TNS3: variants seen among roughly 807,000 people sequenced by gnomAD.
The protein encoded by TNS3 is tensin 3.
Under a neutral mutation model 140.9 loss-of-function variants are expected in TNS3, and 45 were observed. The observed-to-expected ratio is 0.32, with a 90% CI of 0.25 to 0.41. The LOEUF is 0.41. Among genes scored for constraint, TNS3 ranks in the 10% least tolerant of loss-of-function variants. TNS3 has a pLI of 1.00. For synonymous variants in TNS3, 815 were observed against 788.4 expected (o/e 1.03, Z -0.56); for missense variants, 1,716 against 1,906.7 (o/e 0.90, Z 1.86).
chr7:47,498,311 C>G (rs1798087608), intron 3 of TNS3, among the ~76,000 whole-genome samples: 1 of 152,196 alleles, frequency 6.6e-6, no homozygotes, highest in Non-Finnish European at 1.5e-5. Context: ...TCACAGATGC[C>G]GAGAGTCAAG....
chr7:47,444,028 C>T (rs1225565586), intron 4 of TNS3, among the ~76,000 whole-genome samples: 2 of 152,234 alleles, frequency 1.3e-5, no homozygotes, highest in South Asian at 2.1e-4. Context: ...ATCAAAAACC[C>T]GTTTAGGTTA....
intron 13 of TNS3, among the ~76,000 whole-genome samples, chr7:47,403,933 A>G (rs1173276866): frequency 6.6e-6 from 1 of 152,226 alleles, no homozygotes; most frequent in Non-Finnish European, 1.5e-5. Flanking sequence ...TCCCTTTAAG[A>G]TATAATAGTA....
intron 10 of TNS3, among the ~76,000 whole-genome samples, chr7:47,420,105 G>A (rs894793505): frequency 6.6e-6 from 1 of 152,202 alleles, no homozygotes; most frequent in African/African-American, 2.4e-5. Context: ...TCATCCTTTA[G>A]AGAATGTGGA....
Position 47,302,171 on chromosome 7 carries a change from A to G in TNS3, c.3544+15T>C, listed in dbSNP as rs1786443433. ...AGGGCAGATGCCCAAGGAGGCCCTC[A>G]TCCTCCCCACATACCTTGTTCTCTT... On this transcript the variant is annotated intron_variant, in intron 23 of 30. Coordinates refer to ENST00000311160, the MANE Select transcript of TNS3 (RefSeq NM_022748.12). 2.5e-6 allele frequency: 4 copies of G among 1,605,550 alleles called. No homozygotes were observed. The African/African-American group carries it at 5.4e-5, about 21-fold the overall frequency.
chr7:47,470,563 T>C (rs1796908751), intron 4 of TNS3: 2 of 985,258 alleles, frequency 2.0e-6, no homozygotes, highest in African/African-American at 3.5e-5. Context: ...AAAGGTGCCT[T>C]TGGTGCGTCC....
At chr7:47,299,630 G>C (rs902170557) in intron 23 of TNS3, among the ~76,000 whole-genome samples, 16 of 152,194 alleles carry the variant, frequency 1.1e-4, no homozygotes, top group Admixed American at 1.3e-4. Flanking sequence ...GCTTTGCTCC[G>C]ACCAGTTCTC....
chr7:47,324,111 T>TGCC (rs1423559682), intron 20 of TNS3, among the ~76,000 whole-genome samples: 2 of 152,240 alleles, frequency 1.3e-5, no homozygotes, highest in Non-Finnish European at 2.9e-5. Context: ...CTGACCTGGC[T>TGCC]GCCTGTTTTG....
intron 20 of TNS3, among the ~76,000 whole-genome samples, chr7:47,331,197 A>G (rs1297289968): frequency 1.3e-5 from 2 of 152,198 alleles, no homozygotes; most frequent in African/African-American, 4.8e-5. Flanking sequence ...GGTGACCCAC[A>G]GGTTCTGTTT....
chr7:47,463,124 G>T (rs1796557336), intron 4 of TNS3, among the ~76,000 whole-genome samples: 1 of 152,178 alleles, frequency 6.6e-6, no homozygotes, highest in African/African-American at 2.4e-5. Flanking sequence ...GCGAGCTCTA[G>T]TCACAGCATT....
intron 1 of TNS3, among the ~76,000 whole-genome samples, chr7:47,556,121 G>T (rs188570257): frequency 1.1e-4 from 16 of 152,290 alleles, no homozygotes; most frequent in African/African-American, 3.9e-4. Context: ...AAAGGCGGAG[G>T]CAACCAGTTG....
chr7:47,550,693 G>T (rs192670590), intron 1 of TNS3, among the ~76,000 whole-genome samples: 118 of 152,320 alleles, frequency 7.7e-4, no homozygotes, highest in Admixed American at 1.4e-3. Flanking sequence ...GAAGGGCAGG[G>T]TACAGAATTA....
At chr7:47,527,825 T>A (rs1212645667) in intron 2 of TNS3, among the ~76,000 whole-genome samples, 1 of 152,012 alleles carries the variant, frequency 6.6e-6, no homozygotes, top group Non-Finnish European at 1.5e-5. Flanking sequence ...GGAGGATGGC[T>A]TGGGCCAGGA....
intron 3 of TNS3, among the ~76,000 whole-genome samples, chr7:47,505,717 TTGTG>T (rs58992722): frequency 1.3e-4 from 20 of 150,024 alleles, no homozygotes; most frequent in Non-Finnish European, 1.6e-4. Flanking sequence ...TCTTCCAACT[TTGTG>T]TGTGTGTGTG....
At chr7:47,404,990 C>G (rs1562697458) in intron 13 of TNS3, among the ~76,000 whole-genome samples, 1 of 152,238 alleles carries the variant, frequency 6.6e-6, no homozygotes, top group Non-Finnish European at 1.5e-5. Flanking sequence ...TCATTTGCTC[C>G]TGGAGTACAC....
intron 2 of TNS3, among the ~76,000 whole-genome samples, chr7:47,520,207 T>C (rs1333024671): frequency 6.6e-6 from 1 of 152,182 alleles, no homozygotes; most frequent in Non-Finnish European, 1.5e-5. Context: ...AGCACAGCAC[T>C]GCCTCTTCCC....
intron 16 of TNS3, 81 bp from the exon 17 acceptor site, chr7:47,369,702 T>C (rs1238942205): frequency 9.2e-6 from 13 of 1,419,818 alleles, no homozygotes; most frequent in Non-Finnish European, 1.2e-5. Context: ...CGTGTGCATC[T>C]GTCTAAACAA....
At chr7:47,567,683 CAAAAA>C (rs57071957) in intron 1 of TNS3, among the ~76,000 whole-genome samples, 4 of 85,062 alleles carry the variant, frequency 4.7e-5, no homozygotes, top group Non-Finnish European at 9.8e-5. Flanking sequence ...GACTCGGTCT[CAAAAA>C]AAAAAAAAAA....
chr7:47,578,693 T>C (rs887504577), intron 1 of TNS3, among the ~76,000 whole-genome samples: 1 of 152,214 alleles, frequency 6.6e-6, no homozygotes, highest in Non-Finnish European at 1.5e-5. Context: ...ACATCCCACA[T>C]TGCAGTGATG....
chr7:47,312,988 G>T (rs971993134), intron 20 of TNS3, among the ~76,000 whole-genome samples: 1 of 152,196 alleles, frequency 6.6e-6, no homozygotes, highest in East Asian at 1.9e-4. Flanking sequence ...AAACAAAAGC[G>T]AAACAGGGAG....
Sources: allele counts gnomAD v4.1 joint callset (sites outside exome capture counted in the v4.1 genomes callset), GRCh38; gene constraint gnomAD v4.1.1; transcripts MANE v1.5; gene names NCBI Gene and HGNC (gene_info 2026-07-23, HGNC 2026-07-21).